The following ZFHX3 variants were observed in gnomAD, a reference collection of about 807,000 sequenced individuals.
ZFHX3 encodes the protein zinc finger homeobox protein 3.
Under a neutral mutation model 279.1 loss-of-function variants are expected in ZFHX3, and 42 were observed. The observed-to-expected ratio is 0.15, with a 90% CI of 0.12 to 0.19. The LOEUF (loss-of-function observed/expected upper bound fraction) is 0.19. ZFHX3 is among the 10% of genes least tolerant of loss of function. The pLI, the probability that ZFHX3 is intolerant of heterozygous loss-of-function variation, is 1.00. For synonymous variants in ZFHX3, 2,293 were observed against 1,957.8 expected (o/e 1.17, Z -4.52); for missense variants, 4,981 against 4,754.0 (o/e 1.05, Z -1.40).
At chr16:73,753,124 G>C (rs982416818) in intron 1 of ZFHX3, among the ~76,000 whole-genome samples, 6 of 152,194 alleles carry the variant, frequency 3.9e-5, no homozygotes, top group Admixed American at 3.9e-4. Context: ...CAAGAAGGCT[G>C]TGATGTGCCT....
intron 1 of ZFHX3, among the ~76,000 whole-genome samples, chr16:73,025,099 C>A (rs1222853806): frequency 6.6e-6 from 1 of 152,132 alleles, no homozygotes; most frequent in Non-Finnish European, 1.5e-5. Context: ...AGACTTACAC[C>A]GCAGGGGGAA....
At chr16:73,087,035 C>A (rs1966018235) in intron 8 of ZFHX3, among the ~76,000 whole-genome samples, 1 of 152,176 alleles carries the variant, frequency 6.6e-6, no homozygotes, top group Non-Finnish European at 1.5e-5. Context: ...CTGATGAGAT[C>A]ATTACCCATT....
intron 2 of ZFHX3, among the ~76,000 whole-genome samples, chr16:73,567,533 C>A (rs2020468462): frequency 6.6e-6 from 1 of 152,216 alleles, no homozygotes; most frequent in African/African-American, 2.4e-5. Context: ...TCTCTACACA[C>A]AACATTCTCG....
At chr16:73,144,989 G>A (rs556571926) in intron 5 of ZFHX3, among the ~76,000 whole-genome samples, 1 of 152,246 alleles carries the variant, frequency 6.6e-6, no homozygotes, top group East Asian at 1.9e-4. Context: ...CCATTATTTT[G>A]TATTTTGTAA....
At chr16:73,146,938 G>A (rs1030134698) in intron 5 of ZFHX3, among the ~76,000 whole-genome samples, 10 of 152,178 alleles carry the variant, frequency 6.6e-5, no homozygotes, top group African/African-American at 2.2e-4. Flanking sequence ...AATTACAGAC[G>A]TGAGCCACCG....
intron 5 of ZFHX3, among the ~76,000 whole-genome samples, chr16:73,214,280 C>T (rs1376077472): frequency 1.3e-5 from 2 of 152,212 alleles, no homozygotes; most frequent in African/African-American, 4.8e-5. Flanking sequence ...CTGGGGCTAC[C>T]AGGCTGGATG....
intron 7 of ZFHX3, among the ~76,000 whole-genome samples, chr16:73,101,981 T>A (rs28428950): frequency 2.7e-3 from 397 of 147,742 alleles, no homozygotes; most frequent in African/African-American, 9.3e-3. Context: ...TGGCGCCATC[T>A]CAGCTCACTG....
intron 7 of ZFHX3, among the ~76,000 whole-genome samples, chr16:73,103,435 TG>T (rs1966256327): frequency 6.6e-6 from 1 of 152,180 alleles, no homozygotes; most frequent in Non-Finnish European, 1.5e-5. Context: ...TCCCTCCTCC[TG>T]GAGGGTCTCT....
At chr16:73,091,352 T>G (rs907256456) in intron 8 of ZFHX3, among the ~76,000 whole-genome samples, 1 of 151,526 alleles carries the variant, frequency 6.6e-6, no homozygotes, top group African/African-American at 2.4e-5. Context: ...AACAAAGGAG[T>G]TGGCAATGGC....
intron 3 of ZFHX3, among the ~76,000 whole-genome samples, chr16:73,451,372 G>C (rs1258095540): frequency 6.6e-6 from 1 of 152,180 alleles, no homozygotes; most frequent in Non-Finnish European, 1.5e-5. Flanking sequence ...CTTGAATTGA[G>C]GTGACTATTA....
At chr16:73,416,119 T>G (rs1188502251) in intron 3 of ZFHX3, among the ~76,000 whole-genome samples, 1 of 110,240 alleles carries the variant, frequency 9.1e-6, no homozygotes, top group Non-Finnish European at 1.7e-5. Context: ...CAAGACTCCA[T>G]CTCAAAAAAA....
At position 73,515,136 on chromosome 16, in the gene ZFHX3, T is replaced by C. The variant is rs1056982561; in HGVS notation, c.-1546-58878A>G. On this transcript the variant is annotated intron_variant, in intron 2 of 17. Transcript: ENST00000641206. The stretch of plus-strand genomic sequence containing the variant: ...GAAATGTGCTTCCTGAAGACCCCTG[T>C]CCACACTTTTATCTGCATAACTTTC... Among the ~76,000 whole-genome samples the C allele has an allele frequency of 1.1e-4, 16 of 152,328 alleles. No homozygotes were observed. In the East Asian group the frequency reaches 3.1e-3, roughly 29 times the overall value.
intron 2 of ZFHX3, among the ~76,000 whole-genome samples, chr16:73,481,394 C>T (rs2018863173): frequency 6.6e-6 from 1 of 151,302 alleles, no homozygotes; most frequent in South Asian, 2.1e-4. Context: ...ACATTGCTTT[C>T]CTGTCCTCTC....
intron 3 of ZFHX3, among the ~76,000 whole-genome samples, chr16:72,925,326 C>T (rs985082715): frequency 6.6e-6 from 1 of 152,192 alleles, no homozygotes; most frequent in Admixed American, 6.5e-5. Context: ...ACCCTGTCAA[C>T]GGTTCCATCA....
intron 5 of ZFHX3, among the ~76,000 whole-genome samples, chr16:73,162,349 A>T (rs772573018): frequency 6.6e-6 from 1 of 152,210 alleles, no homozygotes; most frequent in Non-Finnish European, 1.5e-5. Flanking sequence ...CTAATGCCCA[A>T]TGATCTGTCA....
At chr16:73,776,325 C>T (rs1959243445) in intron 1 of ZFHX3, among the ~76,000 whole-genome samples, 1 of 152,056 alleles carries the variant, frequency 6.6e-6, no homozygotes, top group African/African-American at 2.4e-5. Context: ...TTCCCACAAC[C>T]TCTCCATTTC....
intron 3 of ZFHX3, among the ~76,000 whole-genome samples, chr16:73,388,016 T>A (rs2016935504): frequency 1.3e-5 from 2 of 152,042 alleles, no homozygotes; most frequent in Non-Finnish European, 2.9e-5. Context: ...CAGGGCACGC[T>A]CATTGTGCCC....
intron 1 of ZFHX3, among the ~76,000 whole-genome samples, chr16:73,845,738 C>A (rs749100862): frequency 2.6e-5 from 4 of 152,180 alleles, no homozygotes; most frequent in Non-Finnish European, 5.9e-5. Flanking sequence ...AAAATAGTGT[C>A]TTTTCTCAAT....
At chr16:73,523,668 A>AATAAAGAAAATAAAGGAGATGG (rs1420478598) in intron 2 of ZFHX3, among the ~76,000 whole-genome samples, 1 of 151,694 alleles carries the variant, frequency 6.6e-6, no homozygotes, top group Non-Finnish European at 1.5e-5. Flanking sequence ...AAGAAAGGCA[A>AATAAAGAAAATAAAGGAGATGG]ATAAAGAAAA....
Sources: gnomAD v4.1 joint callset for allele counts (sites outside exome capture counted in the v4.1 genomes callset) on GRCh38, gnomAD v4.1.1 for gene constraint, MANE v1.5 for transcripts, NCBI Gene and HGNC (gene_info 2026-07-23, HGNC 2026-07-21) for gene names.